CCDC178: variants seen among roughly 807,000 people sequenced by gnomAD.
CCDC178 encodes coiled-coil domain-containing protein 178.
A neutral mutation model predicts 117.4 loss-of-function variants in CCDC178; 126 were observed. The observed-to-expected ratio is 1.07, with a 90% CI of 0.93 to 1.24. CCDC178 has a LOEUF of 1.24. Ranked by LOEUF, CCDC178 falls within the 50% of genes most tolerant of loss-of-function variation. The pLI is 0.00. For synonymous variants in CCDC178, 283 were observed against 313.4 expected, an observed-to-expected ratio of 0.90 and a Z score of 1.02; for missense variants, 1,030 against 986.9, an observed-to-expected ratio of 1.04 and a Z score of -0.59.
intron 21 of CCDC178, among the ~76,000 whole-genome samples, chr18:33,006,056 TATC>T (rs1166763263): frequency 2.6e-5 from 4 of 152,102 alleles, no homozygotes; most frequent in African/African-American, 9.6e-5. Context: ...ATTTATCAGT[TATC>T]ATACATAAGG....
chr18:33,270,301 GA>G (rs2059871907), intron 12 of CCDC178, among the ~76,000 whole-genome samples: 1 of 151,602 alleles, frequency 6.6e-6, no homozygotes, highest in Non-Finnish European at 1.5e-5. Flanking sequence ...GAAGAAAAGA[GA>G]GGGGGGAGGC....
At chr18:32,943,999 G>A (rs947073977) in intron 22 of CCDC178, among the ~76,000 whole-genome samples, 2 of 152,112 alleles carry the variant, frequency 1.3e-5, no homozygotes, top group African/African-American at 4.8e-5. Flanking sequence ...ATTTGCCTCT[G>A]TTATTTCTGA....
At chr18:33,201,133 C>T (rs551610786) in intron 20 of CCDC178, among the ~76,000 whole-genome samples, 18 of 152,310 alleles carry the variant, frequency 1.2e-4, no homozygotes, top group Admixed American at 2.0e-4. Context: ...TACTTCAAAG[C>T]ATTCACCAAG....
chr18:33,047,024 A>AT (rs1298187507), intron 21 of CCDC178, among the ~76,000 whole-genome samples: 1 of 152,170 alleles, frequency 6.6e-6, no homozygotes, highest in Non-Finnish European at 1.5e-5. Flanking sequence ...GAACTGTGCT[A>AT]TTTTTTATTC....
chr18:33,030,519 T>C (rs927302008), intron 21 of CCDC178, among the ~76,000 whole-genome samples: 45 of 94,820 alleles, frequency 4.7e-4, no homozygotes, highest in African/African-American at 1.8e-3. Flanking sequence ...ACAGAACTGA[T>C]AGAAGATAGA....
chr18:33,035,432 C>G (rs1245300211), intron 21 of CCDC178, among the ~76,000 whole-genome samples: 1 of 151,852 alleles, frequency 6.6e-6, no homozygotes, highest in Non-Finnish European at 1.5e-5. Context: ...TATAATCAGT[C>G]ATAAAAAAGA....
At chr18:33,105,724 C>T (rs1270903106) in intron 20 of CCDC178, among the ~76,000 whole-genome samples, 1 of 151,522 alleles carries the variant, frequency 6.6e-6, no homozygotes, top group Non-Finnish European at 1.5e-5. Flanking sequence ...TCCTAGTTTG[C>T]AAAAGCATTT....
chr18:33,265,593 C>T lies in CCDC178; in HGVS notation c.1409+1323G>A, dbSNP rs1393115481. On this transcript the variant is annotated intron_variant, in intron 14 of 22. Transcript: ENST00000383096. ...GTGATAAGTGGGAGAAACTGAAGTA[C>T]TACTACTGTATTTGAACCAAGTAAT... is the stretch of plus-strand genomic sequence containing the variant. Among the ~76,000 whole-genome samples the T allele has an allele frequency of 4.6e-5, 7 of 152,022 alleles. No individual in the cohort carries two copies. The East Asian group carries it at 1.4e-3, about 29-fold the overall frequency.
chr18:33,084,027 A>T (rs1292091887), intron 21 of CCDC178, among the ~76,000 whole-genome samples: 2 of 152,104 alleles, frequency 1.3e-5, no homozygotes, highest in African/African-American at 2.4e-5. Context: ...ACTATGCTGC[A>T]TTTCTTTGCA....
chr18:33,304,349 G>C lies in CCDC178; in HGVS notation c.1023-11037C>G, dbSNP rs554010295. 9.9e-5 allele frequency among the ~76,000 whole-genome samples: 15 copies of C among 152,272 alleles called. No homozygotes were observed. The East Asian group carries it at 2.3e-3, about 24-fold the overall frequency. ...CAAAGGTGGGTGGACTGAAACTTAT[G>C]TTGTTTCCACACACTGTAGGCCTCT... is the stretch of plus-strand genomic sequence containing the variant. On this transcript the variant is annotated intron_variant, in intron 11 of 22. Transcript: ENST00000383096.
At chr18:33,419,841 G>A (rs947989781) in intron 2 of CCDC178, among the ~76,000 whole-genome samples, 1 of 151,846 alleles carries the variant, frequency 6.6e-6, no homozygotes, top group African/African-American at 2.4e-5. Flanking sequence ...CAGCCACTGT[G>A]GAAAGCAGTT....
intron 3 of CCDC178, among the ~76,000 whole-genome samples, chr18:33,410,920 C>CCCCT (rs2063841997): frequency 6.6e-6 from 1 of 152,088 alleles, no homozygotes; most frequent in Admixed American, 6.6e-5. Flanking sequence ...TAATAGTATG[C>CCCCT]TGGAATATGA....
chr18:33,339,297 C>A (rs1329729623), intron 9 of CCDC178, among the ~76,000 whole-genome samples: 3 of 151,672 alleles, frequency 2.0e-5, no homozygotes, highest in Non-Finnish European at 4.4e-5. Context: ...ATAAAGGAAG[C>A]AAAAGTGGAC....
intron 20 of CCDC178, among the ~76,000 whole-genome samples, chr18:33,191,642 T>G (rs2058859453): frequency 6.6e-6 from 1 of 152,150 alleles, no homozygotes; most frequent in Non-Finnish European, 1.5e-5. Context: ...TTGAAGAGGT[T>G]TCATGTGCAT....
chr18:33,399,502 T>C (rs188247548), intron 3 of CCDC178, among the ~76,000 whole-genome samples: 6 of 152,366 alleles, frequency 3.9e-5, no homozygotes, highest in Admixed American at 3.9e-4. Flanking sequence ...CCAATTATGT[T>C]TATGCAGTAT....
intron 12 of CCDC178, among the ~76,000 whole-genome samples, chr18:33,281,192 G>A (rs9955868): frequency 0.068 from 10,358 of 151,528 alleles, 543 homozygotes; most frequent in African/African-American, 0.14. Context: ...AGCATCAAAC[G>A]TATACAAAAT....
intron 12 of CCDC178, among the ~76,000 whole-genome samples, chr18:33,272,923 G>A (rs2144790566): frequency 6.6e-6 from 1 of 151,098 alleles, no homozygotes; most frequent in African/African-American, 2.4e-5. Flanking sequence ...ACCTGTGAAA[G>A]CCAACATCAT....
rs998960129 is a variant in CCDC178, at chr18:32,937,768, A to G, written c.*243T>C. On this transcript the variant is annotated 3_prime_UTR_variant, in exon 23 of 23. Coordinates refer to ENST00000383096, the MANE Select transcript of CCDC178 (RefSeq NM_001105528.4). ...TTAATTATCAGATGAGGCAAAGCCA[A>G]TTGCAATCAGTCACCCAGAGCTGAA... 5 of 456,512 alleles carry G rather than the reference A, an allele frequency of 1.1e-5. No homozygotes were observed. The highest frequency in any genetic ancestry group is 6.9e-5 in the East Asian group (2 of 29,024). 28.3% of individuals were successfully genotyped at this position (456,512 alleles called of 1,614,324 possible). A position where few individuals can be genotyped will look rare whatever the true frequency, so the allele number is the denominator to read the frequency against.
intron 2 of CCDC178, among the ~76,000 whole-genome samples, chr18:33,421,606 C>T (rs1387620055): frequency 5.9e-5 from 9 of 152,106 alleles, no homozygotes; most frequent in African/African-American, 7.2e-5. Context: ...GAGTACACCA[C>T]GACCAGAGAA....
Sources: gnomAD v4.1 joint callset for allele counts (sites outside exome capture counted in the v4.1 genomes callset) on GRCh38, gnomAD v4.1.1 for gene constraint, MANE v1.5 for transcripts, NCBI Gene and HGNC (gene_info 2026-07-23, HGNC 2026-07-21) for gene names.